Variants in NCKAP5 observed in about 807,000 individuals in gnomAD.
The protein encoded by NCKAP5 is NCK associated protein 5.
NCKAP5 carries 92 observed loss-of-function variants against 167.0 expected under a neutral mutation model. That is an observed-to-expected ratio of 0.55 (90% CI 0.47 to 0.66). The LOEUF is 0.66. NCKAP5 is among the 30% of genes least tolerant of loss of function. The pLI is 0.00. For missense variants in NCKAP5, 2,378 were observed against 2,315.0 expected, an observed-to-expected ratio of 1.03 and a Z score of -0.56; for synonymous variants, 891 against 877.4, an observed-to-expected ratio of 1.02 and a Z score of -0.27.
chr2:133,188,794 G>C (rs1461614720), intron 5 of NCKAP5, among the ~76,000 whole-genome samples: 2 of 152,048 alleles, frequency 1.3e-5, no homozygotes, highest in Non-Finnish European at 2.9e-5. Flanking sequence ...AGTGTGTAGA[G>C]GGAAATTTAT....
At chr2:133,078,051 G>C (rs1020680385) in intron 6 of NCKAP5, among the ~76,000 whole-genome samples, 1 of 152,160 alleles carries the variant, frequency 6.6e-6, no homozygotes, top group African/African-American at 2.4e-5. Flanking sequence ...AACTAGCTAT[G>C]GGACTTTAGG....
chr2:133,576,342 G>A, the NCKAP5 span, among the ~76,000 whole-genome samples: 14 of 152,344 alleles, frequency 9.2e-5, no homozygotes, highest in East Asian at 2.7e-3. Flanking sequence ...GGTGTTCACA[G>A]AAAATAATAT....
intron 5 of NCKAP5, among the ~76,000 whole-genome samples, chr2:133,131,536 G>A (rs2082602095): frequency 1.3e-5 from 2 of 152,158 alleles, no homozygotes; most frequent in African/African-American, 4.8e-5. Flanking sequence ...TACCTAATAT[G>A]CAGTAGTGCT....
intron 15 of NCKAP5, among the ~76,000 whole-genome samples, chr2:132,777,431 C>T (rs1170641947): frequency 6.6e-6 from 1 of 151,762 alleles, no homozygotes; most frequent in Non-Finnish European, 1.5e-5. Context: ...ATAATTAAAC[C>T]CAAATTTGAG....
chr2:132,909,097 A>C (rs1403088692), intron 8 of NCKAP5, among the ~76,000 whole-genome samples: 1 of 152,246 alleles, frequency 6.6e-6, no homozygotes, highest in African/African-American at 2.4e-5. Flanking sequence ...CTGTAATCCC[A>C]GCACATTGGG....
chr2:133,061,985 T>C (rs1026743631), intron 6 of NCKAP5, among the ~76,000 whole-genome samples: 1 of 152,226 alleles, frequency 6.6e-6, no homozygotes, highest in Non-Finnish European at 1.5e-5. Flanking sequence ...TCTTAAGTCA[T>C]GCTTGCTATG....
chr2:133,215,838 T>G (rs1439704736), intron 4 of NCKAP5, among the ~76,000 whole-genome samples: 1 of 152,152 alleles, frequency 6.6e-6, no homozygotes, highest in African/African-American at 2.4e-5. Flanking sequence ...GGGGTAAAAC[T>G]GTCTCTATTT....
intron 8 of NCKAP5, among the ~76,000 whole-genome samples, chr2:132,909,561 A>C (rs1487605496): frequency 6.6e-6 from 1 of 152,144 alleles, no homozygotes; most frequent in East Asian, 1.9e-4. Flanking sequence ...AATGGTTCTG[A>C]GATAATATCC....
chr2:133,387,324 T>G (rs1687056568), intron 3 of NCKAP5, among the ~76,000 whole-genome samples: 1 of 152,204 alleles, frequency 6.6e-6, no homozygotes, highest in Non-Finnish European at 1.5e-5. Flanking sequence ...TGGCTGGATA[T>G]GAAATTCTGG....
At chr2:133,581,327 T>A in the NCKAP5 span, among the ~76,000 whole-genome samples, 2 of 152,132 alleles carry the variant, frequency 1.3e-5, no homozygotes, top group African/African-American at 4.8e-5. Flanking sequence ...CTCATCCCCA[T>A]CCACTTCCTG....
At chr2:132,881,299 C>A (rs1390341697) in intron 8 of NCKAP5, among the ~76,000 whole-genome samples, 1 of 152,026 alleles carries the variant, frequency 6.6e-6, no homozygotes, top group East Asian at 1.9e-4. Flanking sequence ...CTCAGCCTCC[C>A]AAGTAGCTGG....
chr2:132,726,285 T>C (rs551012343), intron 18 of NCKAP5, among the ~76,000 whole-genome samples: 3 of 152,346 alleles, frequency 2.0e-5, no homozygotes, highest in Admixed American at 2.0e-4. Context: ...AAGTAAGCAA[T>C]TGCTGACTCC....
intron 3 of NCKAP5, among the ~76,000 whole-genome samples, chr2:133,343,231 G>A (rs1683716305): frequency 6.6e-6 from 1 of 152,190 alleles, no homozygotes; most frequent in Admixed American, 6.5e-5. Context: ...ATCATGCAAT[G>A]TGATGTAGTA....
intron 16 of NCKAP5, among the ~76,000 whole-genome samples, chr2:132,746,543 T>A (rs931541852): frequency 6.6e-6 from 1 of 152,026 alleles, no homozygotes; most frequent in Non-Finnish European, 1.5e-5. Flanking sequence ...TTAGATTTAA[T>A]CAAAATTAAA....
chr2:133,212,437 G>A (rs530298371), intron 5 of NCKAP5, among the ~76,000 whole-genome samples: 6 of 152,152 alleles, frequency 3.9e-5, no homozygotes, highest in East Asian at 1.9e-4. Context: ...GCACAATCTC[G>A]GCTCGCTGCA....
intron 5 of NCKAP5, among the ~76,000 whole-genome samples, chr2:133,213,497 T>A (rs867751551): frequency 8.5e-5 from 13 of 152,172 alleles, no homozygotes; most frequent in African/African-American, 3.1e-4. Flanking sequence ...CATGTGAACA[T>A]CTTATTTAAA....
At chr2:133,198,427 C>T (rs6719786) in intron 5 of NCKAP5, among the ~76,000 whole-genome samples, 9,447 of 152,000 alleles carry the variant, frequency 0.062, 948 homozygotes, top group African/African-American at 0.21. Flanking sequence ...GGAAGAATAA[C>T]TCTAATGACT....
At chr2:133,620,670 GC>G in the NCKAP5 span, among the ~76,000 whole-genome samples, 1 of 152,038 alleles carries the variant, frequency 6.6e-6, no homozygotes, top group Non-Finnish European at 1.5e-5. Context: ...TACAATGATA[GC>G]GGGGGACTTT....
At chr2:133,580,296 C>T in the NCKAP5 span, among the ~76,000 whole-genome samples, 1 of 152,094 alleles carries the variant, frequency 6.6e-6, no homozygotes, top group Admixed American at 6.6e-5. Context: ...TTTTAAAAAT[C>T]CTATGTTGCA....
Sources: gnomAD v4.1 joint callset for allele counts (sites outside exome capture counted in the v4.1 genomes callset) on GRCh38, gnomAD v4.1.1 for gene constraint, MANE v1.5 for transcripts, NCBI Gene and HGNC (gene_info 2026-07-23, HGNC 2026-07-21) for gene names.